The following CEP350 variants were observed in gnomAD, a reference collection of about 807,000 sequenced individuals.
CEP350 encodes centrosomal protein 350, also known as centrosome-associated protein 350.
A neutral mutation model predicts 331.8 loss-of-function variants in CEP350; 126 were observed. The ratio of observed to expected loss-of-function variants is 0.38; its 90% confidence interval spans 0.33 to 0.44. The LOEUF is 0.44. CEP350 is among the 20% of genes least tolerant of loss of function. The probability of loss-of-function intolerance (pLI) is 1.00; values close to 1 mark genes in which losing one functional copy is unlikely to be tolerated. For missense variants in CEP350, 3,406 were observed against 3,634.6 expected (o/e 0.94, Z 1.62); for synonymous variants, 1,200 against 1,259.5 (o/e 0.95, Z 1.00).
At chr1:180,029,985 T>A (rs1315935190) in intron 14 of CEP350, among the ~76,000 whole-genome samples, 4 of 152,138 alleles carry the variant, frequency 2.6e-5, no homozygotes, top group Non-Finnish European at 5.9e-5. Context: ...TTGTAGCATG[T>A]GTCAGAATGT....
Position 180,039,224 on chromosome 1 carries a change from G to C in CEP350, c.4111-1914G>C, listed in dbSNP as rs78029820. The stretch of plus-strand genomic sequence containing the variant: ...GCAGTAAGCCAAGATTGTGCCATTG[G>C]ACTCCAGAGTGAAACCCTGTCTCAA... On this transcript the variant is annotated intron_variant, in intron 17 of 37. Coordinates refer to ENST00000367607, the MANE Select transcript of CEP350 (RefSeq NM_014810.5). 3.6e-3 allele frequency among the ~76,000 whole-genome samples: 470 copies of C among 131,108 alleles called. 1 individual carries two copies. Among genetic ancestry groups the C allele is most frequent in the African/African-American group, 0.012 (419 of 35,760 alleles). 86.0% of individuals were successfully genotyped at this position (131,108 alleles called of 152,430 possible).
chr1:180,033,310 GTATTA>G (rs1488951381), intron 15 of CEP350, among the ~76,000 whole-genome samples: 1 of 152,054 alleles, frequency 6.6e-6, no homozygotes, highest in Non-Finnish European at 1.5e-5. Context: ...AAGAGATGTA[GTATTA>G]AAAAGCAGAT....
At chr1:180,050,984 G>T (rs1657462923) in intron 22 of CEP350, among the ~76,000 whole-genome samples, 1 of 152,176 alleles carries the variant, frequency 6.6e-6, no homozygotes, top group African/African-American at 2.4e-5. Context: ...GTGAAAGATA[G>T]TGTCTTGTAA....
At chr1:180,045,478 A>C (rs1646891323) in intron 21 of CEP350, among the ~76,000 whole-genome samples, 1 of 152,260 alleles carries the variant, frequency 6.6e-6, no homozygotes, top group Admixed American at 6.5e-5. Flanking sequence ...TAACATACTG[A>C]CATTGTCAAG....
Position 180,020,720 on chromosome 1 carries a change from C to G in CEP350, c.2946C>G (p.Val982=). ...CTCTTGGTTCCAGCATAGATTCAGT[C>G]AGTGAAGGGCCTCTTCTTAGTGAGG... ...KISLGSSIDS[V]SEGPLLSEGS... is the part of the protein sequence containing the mutation. Residue 982 remains valine (V), a synonymous_variant, in exon 12 of 38, where the codon GTC becomes GTG. Coordinates refer to ENST00000367607, the MANE Select transcript of CEP350 (RefSeq NM_014810.5). 6.2e-7 allele frequency: 1 copy of G among 1,613,996 alleles called. No individual in the cohort carries two copies. The highest frequency in any genetic ancestry group is 8.5e-7 in the Non-Finnish European group (1 of 1,179,898).
intron 32 of CEP350, among the ~76,000 whole-genome samples, chr1:180,090,462 C>T (rs1660107912): frequency 1.4e-5 from 2 of 139,798 alleles, no homozygotes; most frequent in African/African-American, 5.2e-5. Flanking sequence ...AGGAGAATGG[C>T]GTGAACCCGG....
chr1:180,021,662 A>G (rs1655333133), intron 12 of CEP350, among the ~76,000 whole-genome samples: 1 of 152,178 alleles, frequency 6.6e-6, no homozygotes, highest in South Asian at 2.1e-4. Flanking sequence ...CTCAAAAAAA[A>G]AAGAAAAGAA....
intron 6 of CEP350, among the ~76,000 whole-genome samples, chr1:179,999,785 C>T (rs559322443): frequency 1.3e-4 from 20 of 152,150 alleles, no homozygotes; most frequent in African/African-American, 4.6e-4. Context: ...TATTTTCTTC[C>T]TCTTTTTATA....
chr1:179,987,617 GC>G (rs1332651188), intron 3 of CEP350, among the ~76,000 whole-genome samples: 2 of 151,526 alleles, frequency 1.3e-5, no homozygotes, highest in African/African-American at 4.8e-5. Context: ...AGGAGCACAA[GC>G]ATCATGCCAT....
chr1:180,020,686 C>A lies in CEP350; in HGVS notation c.2912C>A (p.Ala971Asp). 1 of 1,613,946 alleles carries A rather than the reference C, an allele frequency of 6.2e-7. No homozygotes were observed. Among genetic ancestry groups the A allele is most frequent in the Admixed American group, 1.7e-5 (1 of 60,016 alleles). The change falls in exon 12 of 38, where the codon GCC becomes GAC. Residue 971 changes from alanine to aspartate, a missense_variant. Coordinates refer to ENST00000367607, the MANE Select transcript of CEP350 (RefSeq NM_014810.5). ...SDMQACSQDK[A>D]KISLGSSIDS... ...ATGCAAGCCTGTTCTCAAGACAAAG[C>A]CAAAATATCTCTTGGTTCCAGCATA...
At chr1:179,957,487 A>G (rs1377692587) in intron 1 of CEP350, among the ~76,000 whole-genome samples, 1 of 152,124 alleles carries the variant, frequency 6.6e-6, no homozygotes, top group South Asian at 2.1e-4. Context: ...TGCCTTTCTC[A>G]TCTGGTCTGT....
rs1360301557 is a variant in CEP350 at position 180,096,195 on chromosome 1, A to G, written c.9066+11A>G. On this transcript the variant is annotated intron_variant, in intron 36 of 37. Transcript: ENST00000367607. The stretch of plus-strand genomic sequence containing the variant: ...CTTGATGAAATCAAGGTAAACTGCA[A>G]ACTATAAAGTGTCTTCTTTTTTGAC... 1 of 1,546,334 alleles carries G rather than the reference A, an allele frequency of 6.5e-7. No homozygotes were observed. The highest frequency in any genetic ancestry group is 2.3e-5 in the East Asian group (1 of 42,866).
At chr1:180,109,716 A>G (rs1468005552) in intron 37 of CEP350, among the ~76,000 whole-genome samples, 3 of 151,798 alleles carry the variant, frequency 2.0e-5, no homozygotes, top group African/African-American at 7.3e-5. Context: ...GCCCACTGCA[A>G]CCTCCGCCCC....
At chr1:180,009,079 G>T (rs1244347036) in intron 8 of CEP350, among the ~76,000 whole-genome samples, 1 of 152,154 alleles carries the variant, frequency 6.6e-6, no homozygotes, top group Non-Finnish European at 1.5e-5. Context: ...GCACAATCTT[G>T]GCTCACTGTA....
chr1:179,996,883 C>T lies in CEP350; in HGVS notation c.726C>T (p.Asn242=), dbSNP rs369686550. The change falls in exon 6 of 38, where the codon AAC becomes AAT. Residue 242 remains asparagine, a synonymous_variant. Coordinates refer to ENST00000367607, the MANE Select transcript of CEP350 (RefSeq NM_014810.5). ...SENNLKLSVN[N]MAHDTDPKAL... is the part of the protein sequence containing the mutation. Reference sequence around the variant, plus strand: ...ATAATTTGAAGCTTTCTGTGAATAACATGGCCCATGATACTGATCCAAAAG... The same window carrying T: ...ATAATTTGAAGCTTTCTGTGAATAATATGGCCCATGATACTGATCCAAAAG... The T allele has an allele frequency of 6.2e-6, 10 of 1,613,884 alleles. No homozygotes were observed. Among genetic ancestry groups the T allele is most frequent in the Non-Finnish European group, 8.5e-6 (10 of 1,179,864 alleles).
At chr1:180,026,013 T>G (rs1655649898) in intron 14 of CEP350, among the ~76,000 whole-genome samples, 1 of 152,162 alleles carries the variant, frequency 6.6e-6, no homozygotes, top group Admixed American at 6.5e-5. Flanking sequence ...TATAGAAACC[T>G]ATATTTAAAA....
chr1:180,075,669 T>C (rs1484720873), intron 28 of CEP350, among the ~76,000 whole-genome samples: 2 of 150,418 alleles, frequency 1.3e-5, no homozygotes, highest in African/African-American at 4.9e-5. Context: ...AAAAAAAAAA[T>C]TGTGGCTAGG....
At chr1:180,026,058 C>T (rs1287582977) in intron 14 of CEP350, among the ~76,000 whole-genome samples, 1 of 151,930 alleles carries the variant, frequency 6.6e-6, no homozygotes, top group East Asian at 1.9e-4. Flanking sequence ...TTAGAGATAA[C>T]GGATGTTAAC....
At position 180,092,576 on chromosome 1, in the gene CEP350, T is replaced by G. The variant is rs761186217; in HGVS notation, c.6509-38T>G. On this transcript the variant is annotated intron_variant, in intron 33 of 37. Transcript: ENST00000367607. ...GTTCACAAAATTGAAAGATAGTGAT[T>G]AAATAATTTTGATGTGGTGATTTGT... 12 of 1,411,072 alleles carry G rather than the reference T, an allele frequency of 8.5e-6. No homozygotes were observed. In the Admixed American group the frequency reaches 1.3e-4, roughly 15 times the overall value. 87.4% of individuals were successfully genotyped at this position (1,411,072 alleles called of 1,614,324 possible).
Sources: gnomAD v4.1 joint callset for allele counts (sites outside exome capture counted in the v4.1 genomes callset) on GRCh38, gnomAD v4.1.1 for gene constraint, MANE v1.5 for transcripts, NCBI Gene and HGNC (gene_info 2026-07-23, HGNC 2026-07-21) for gene names.